The following KIAA0825 variants were observed in gnomAD, a reference collection of about 807,000 sequenced individuals.
KIAA0825 encodes the protein uncharacterized protein KIAA0825.
A neutral mutation model predicts 147.6 loss-of-function variants in KIAA0825; 119 were observed. That is an observed-to-expected ratio of 0.81 (90% confidence interval 0.69 to 0.94). The LOEUF (loss-of-function observed/expected upper bound fraction) is 0.94. Ranked by LOEUF, KIAA0825 falls within the 40% of genes least tolerant of loss-of-function variation. The pLI, the probability that KIAA0825 is intolerant of heterozygous loss-of-function variation, is 0.00. For synonymous variants in KIAA0825, 470 were observed against 518.1 expected, an observed-to-expected ratio of 0.91 and a Z score of 1.26; for missense variants, 1,381 against 1,472.7, an observed-to-expected ratio of 0.94 and a Z score of 1.02.
At chr5:94,166,463 G>A (rs1377170605) in intron 20 of KIAA0825, among the ~76,000 whole-genome samples, 3 of 151,384 alleles carry the variant, frequency 2.0e-5, no homozygotes, top group Admixed American at 2.0e-4. Flanking sequence ...AAGCAATCTG[G>A]GGGTAGCCTT....
chr5:94,436,482 GTCTGTTCTTA>G (rs1369778293), intron 14 of KIAA0825, among the ~76,000 whole-genome samples: 2 of 152,080 alleles, frequency 1.3e-5, no homozygotes, highest in African/African-American at 4.8e-5. Context: ...TGGTTTGCGT[GTCTGTTCTTA>G]TACCAGTACC....
chr5:94,472,868 C>A (rs1761395748), intron 8 of KIAA0825, among the ~76,000 whole-genome samples: 1 of 152,154 alleles, frequency 6.6e-6, no homozygotes, highest in African/African-American at 2.4e-5. Context: ...ACTTTCAAAG[C>A]ACATATGGAG....
At chr5:94,226,039 T>A (rs961980264) in intron 20 of KIAA0825, among the ~76,000 whole-genome samples, 1 of 152,188 alleles carries the variant, frequency 6.6e-6, no homozygotes, top group African/African-American at 2.4e-5. Flanking sequence ...AAAGAGCTTC[T>A]GCACAGCAAA....
chr5:94,477,866 C>A (rs1421617189), intron 6 of KIAA0825, among the ~76,000 whole-genome samples: 1 of 152,114 alleles, frequency 6.6e-6, no homozygotes, highest in East Asian at 1.9e-4. Flanking sequence ...TAAATAACTA[C>A]TCCAAAATAA....
At chr5:94,542,572 C>A (rs147514350) in intron 2 of KIAA0825, among the ~76,000 whole-genome samples, 1 of 152,022 alleles carries the variant, frequency 6.6e-6, no homozygotes, top group Non-Finnish European at 1.5e-5. Context: ...TTTGGGAGTC[C>A]GAGGCAGAGG....
intron 1 of KIAA0825, chr5:94,593,114 C>T: frequency 1.3e-6 from 1 of 742,550 alleles, no homozygotes. Flanking sequence ...AATGGCAATA[C>T]CCTGGTGAAT....
intron 1 of KIAA0825, among the ~76,000 whole-genome samples, chr5:94,600,477 A>G (rs1050652418): frequency 2.6e-5 from 4 of 151,850 alleles, no homozygotes; most frequent in Admixed American, 2.6e-4. Context: ...TTTCCTTAAT[A>G]CCTTAATGTA....
intron 20 of KIAA0825, among the ~76,000 whole-genome samples, chr5:94,213,239 G>C (rs947836435): frequency 6.6e-6 from 1 of 151,840 alleles, no homozygotes; most frequent in Non-Finnish European, 1.5e-5. Context: ...GAGAAATTTG[G>C]GCATCATGAT....
chr5:94,375,432 C>A (rs945493556), intron 20 of KIAA0825, among the ~76,000 whole-genome samples: 2 of 152,104 alleles, frequency 1.3e-5, no homozygotes, highest in African/African-American at 2.4e-5. Context: ...TCTAACCTGA[C>A]CTTTCCTCCT....
intron 5 of KIAA0825, among the ~76,000 whole-genome samples, chr5:94,510,514 C>A (rs1766334662): frequency 6.6e-6 from 1 of 151,984 alleles, no homozygotes; most frequent in Non-Finnish European, 1.5e-5. Context: ...ATTGAGACAA[C>A]AACATACTTA....
chr5:94,610,788 T>TAAA (rs1788603403), intron 1 of KIAA0825, among the ~76,000 whole-genome samples: 5 of 66,036 alleles, frequency 7.6e-5, no homozygotes, highest in African/African-American at 1.7e-4. Flanking sequence ...AAAAAAAAAG[T>TAAA]ATATATATAT....
At chr5:94,369,868 AAGAAGCCATAGTTTCAGCATAAAACACG>A (rs1349698248) in intron 20 of KIAA0825, among the ~76,000 whole-genome samples, 1 of 152,138 alleles carries the variant, frequency 6.6e-6, no homozygotes, top group African/African-American at 2.4e-5. Context: ...CATAAAACAC[AAGAAGCCATAGTTTCAGCATAAAACACG>A]AGAAGCCATA....
intron 5 of KIAA0825, among the ~76,000 whole-genome samples, chr5:94,495,317 T>C (rs537710271): frequency 6.6e-6 from 1 of 152,332 alleles, no homozygotes; most frequent in East Asian, 1.9e-4. Context: ...CTTCCTCTCC[T>C]AAACAATAGT....
intron 6 of KIAA0825, among the ~76,000 whole-genome samples, chr5:94,481,326 G>C (rs916805868): frequency 5.9e-5 from 9 of 152,206 alleles, no homozygotes; most frequent in African/African-American, 1.9e-4. Flanking sequence ...GTAGAGGTTG[G>C]CAGTACTTCC....
chr5:94,520,635 A>T lies in KIAA0825; in HGVS notation c.583T>A (p.Cys195Ser). ...TAAAGAAACAAGAGTTGTTGTAAGC[A>T]CTGCTTTTTCAATAAAATTTTTTGC... ...SQQKILLKKQ[C>S]LQQLLFLYPE... is the part of the protein sequence containing the mutation. The change falls in exon 5 of 21, where the codon TGC becomes AGC. Residue 195 changes from cysteine to serine, a missense_variant. Cys to Ser is a moderately radical substitution (Grantham distance 112). Transcript: ENST00000682413. 1 of 1,613,448 alleles carries T rather than the reference A, an allele frequency of 6.2e-7. No homozygotes were observed. The highest frequency in any genetic ancestry group is 1.1e-5 in the South Asian group (1 of 91,064).
chr5:94,588,633 T>A (rs1783773927), intron 1 of KIAA0825, among the ~76,000 whole-genome samples: 1 of 152,204 alleles, frequency 6.6e-6, no homozygotes, highest in South Asian at 2.1e-4. Context: ...AGTGTGGTGA[T>A]CCCTCAAGGA....
At chr5:94,189,530 T>G (rs966818117) in intron 20 of KIAA0825, among the ~76,000 whole-genome samples, 2 of 152,040 alleles carry the variant, frequency 1.3e-5, no homozygotes, top group African/African-American at 4.8e-5. Context: ...GAAAAGACTG[T>G]TTTTTTCCTC....
intron 13 of KIAA0825, among the ~76,000 whole-genome samples, chr5:94,448,392 G>A (rs866565886): frequency 2.2e-4 from 34 of 151,822 alleles, no homozygotes; most frequent in Middle Eastern, 6.8e-3. Context: ...TTTATGGTCC[G>A]TACTGCTATT....
intron 10 of KIAA0825, among the ~76,000 whole-genome samples, chr5:94,466,180 T>C (rs1196859480): frequency 6.6e-6 from 1 of 152,158 alleles, no homozygotes; most frequent in Non-Finnish European, 1.5e-5. Context: ...ATTTCTTATG[T>C]AGACACTCCC....
Sources: allele counts gnomAD v4.1 joint callset (sites outside exome capture counted in the v4.1 genomes callset), GRCh38; gene constraint gnomAD v4.1.1; transcripts MANE v1.5; gene names NCBI Gene and HGNC (gene_info 2026-07-23, HGNC 2026-07-21).